The following GABRB2 variants were observed in gnomAD, a reference collection of about 807,000 sequenced individuals.
GABRB2 encodes the protein gamma-aminobutyric acid type A receptor subunit beta2.
Under a neutral mutation model 54.7 loss-of-function variants are expected in GABRB2, and 16 were observed. That is an observed-to-expected ratio of 0.29 (90% confidence interval 0.20 to 0.44). The LOEUF is 0.44. Ranked by LOEUF, GABRB2 falls within the 20% of genes least tolerant of loss-of-function variation. GABRB2 has a pLI of 1.00. For synonymous variants in GABRB2, 244 were observed against 233.8 expected, an observed-to-expected ratio of 1.04 and a Z score of -0.40; for missense variants, 355 against 644.0, an observed-to-expected ratio of 0.55 and a Z score of 4.86.
rs1451275178 is a variant in GABRB2, at chr5:161,455,921, T to C, written c.458+3703A>G. On this transcript the variant is annotated intron_variant, in intron 4 of 9. Transcript: ENST00000393959. Reference sequence around the variant, plus strand: ...TTAAATTCAATAAGCATTGATATTTTGCAATACTTCTTTCTCTATCTTTAT... The same window carrying C: ...TTAAATTCAATAAGCATTGATATTTCGCAATACTTCTTTCTCTATCTTTAT... 2.6e-5 allele frequency among the ~76,000 whole-genome samples: 4 copies of C among 152,198 alleles called. No homozygotes were observed. In the East Asian group the frequency reaches 7.7e-4, roughly 29 times the overall value.
intron 4 of GABRB2, among the ~76,000 whole-genome samples, chr5:161,455,903 C>T (rs1351093944): frequency 6.6e-6 from 1 of 152,146 alleles, no homozygotes; most frequent in Admixed American, 6.5e-5. Context: ...CCGTTAAATT[C>T]AATAAGCATT....
At chr5:161,489,258 A>G (rs780789698) in intron 3 of GABRB2, among the ~76,000 whole-genome samples, 33 of 151,624 alleles carry the variant, frequency 2.2e-4, no homozygotes, top group Non-Finnish European at 8.9e-5. Context: ...AGATAGAATG[A>G]CCCTTATATT....
intron 3 of GABRB2, among the ~76,000 whole-genome samples, chr5:161,489,427 A>G (rs1195368464): frequency 6.6e-6 from 1 of 151,760 alleles, no homozygotes; most frequent in Non-Finnish European, 1.5e-5. Flanking sequence ...GTTATCAGAT[A>G]GACATTACCA....
intron 5 of GABRB2, among the ~76,000 whole-genome samples, chr5:161,403,773 A>G (rs1440268967): frequency 1.3e-5 from 2 of 152,170 alleles, no homozygotes; most frequent in Non-Finnish European, 2.9e-5. Context: ...ATATTTACCA[A>G]TAATAATTTA....
chr5:161,337,207 G>A (rs1298879485), intron 5 of GABRB2, among the ~76,000 whole-genome samples: 1 of 152,004 alleles, frequency 6.6e-6, no homozygotes, highest in African/African-American at 2.4e-5. Flanking sequence ...GATAAAATAA[G>A]AGAACAATAA....
intron 4 of GABRB2, among the ~76,000 whole-genome samples, chr5:161,423,812 G>A (rs1184233598): frequency 6.6e-6 from 1 of 152,146 alleles, no homozygotes; most frequent in Non-Finnish European, 1.5e-5. Flanking sequence ...TAGGCCTCTT[G>A]TGCCACAAAG....
intron 5 of GABRB2, among the ~76,000 whole-genome samples, chr5:161,367,094 C>T (rs1400540911): frequency 6.6e-6 from 1 of 152,164 alleles, no homozygotes; most frequent in Non-Finnish European, 1.5e-5. Flanking sequence ...GGAAAAAAAT[C>T]TGTGAGAGAC....
At chr5:161,465,226 G>A (rs1047869267) in intron 3 of GABRB2, among the ~76,000 whole-genome samples, 2 of 151,948 alleles carry the variant, frequency 1.3e-5, no homozygotes, top group South Asian at 2.1e-4. Context: ...GGAACTGGGG[G>A]AAACAAAAGA....
rs576125945 is a variant in GABRB2, at chr5:161,473,567, G to A, written c.238-13723C>T. Among the ~76,000 whole-genome samples the A allele has an allele frequency of 2.8e-4, 43 of 152,128 alleles. 1 individual carries two copies. Among genetic ancestry groups the A allele is most frequent in the Admixed American group, 4.6e-4 (7 of 15,236 alleles). On this transcript the variant is annotated intron_variant, in intron 3 of 9. Coordinates refer to ENST00000393959, the MANE Select transcript of GABRB2 (RefSeq NM_001371727.1). ...TTTGTTTAAAGGAAAAAGAACATTA[G>A]AATAAGGGTTTGATCTCACTTAAAA...
chr5:161,332,039 G>A (rs10060079), intron 7 of GABRB2, among the ~76,000 whole-genome samples: 11,134 of 151,528 alleles, frequency 0.073, 480 homozygotes, highest in African/African-American at 0.079. Flanking sequence ...GATGGCGGGC[G>A]CCTGTAGTCC....
chr5:161,293,127 T>C lies in GABRB2; in HGVS notation c.*954A>G, dbSNP rs1468780152. 1 of 152,210 alleles carries C rather than the reference T, an allele frequency of 6.6e-6. No homozygotes were observed. The highest frequency in any genetic ancestry group is 1.5e-5 in the Non-Finnish European group (1 of 68,026). 9.4% of individuals were successfully genotyped at this position (152,210 alleles called of 1,614,324 possible). Reference sequence around the variant, plus strand: ...TAAGACAATTCTCATTTCTCTAATTTTTGTATTTCATGGTTATCTTCGATT... The same window carrying C: ...TAAGACAATTCTCATTTCTCTAATTCTTGTATTTCATGGTTATCTTCGATT... On this transcript the variant is annotated 3_prime_UTR_variant, in exon 10 of 10. Transcript: ENST00000393959.
chr5:161,510,277 C>A (rs1315444311), intron 3 of GABRB2, among the ~76,000 whole-genome samples: 3 of 150,418 alleles, frequency 2.0e-5, no homozygotes, highest in Non-Finnish European at 4.4e-5. Flanking sequence ...CTCTAGTAAT[C>A]ATCCTTCTAC....
chr5:161,470,375 A>G (rs545529896), intron 3 of GABRB2, among the ~76,000 whole-genome samples: 1 of 152,056 alleles, frequency 6.6e-6, no homozygotes, highest in East Asian at 1.9e-4. Context: ...GTATACTATG[A>G]TTTTTCCTAT....
At chr5:161,427,215 A>C (rs548370483) in intron 4 of GABRB2, among the ~76,000 whole-genome samples, 20 of 152,124 alleles carry the variant, frequency 1.3e-4, no homozygotes, top group Non-Finnish European at 2.6e-4. Context: ...AGACTAACAG[A>C]TGTAATAACA....
intron 3 of GABRB2, among the ~76,000 whole-genome samples, chr5:161,516,391 G>A (rs961275455): frequency 3.3e-5 from 5 of 150,550 alleles, no homozygotes; most frequent in Admixed American, 2.7e-4. Context: ...ATGTGAGTTC[G>A]CCTTGCCTTC....
intron 4 of GABRB2, among the ~76,000 whole-genome samples, chr5:161,421,316 G>T (rs1332127117): frequency 6.6e-6 from 1 of 152,138 alleles, no homozygotes; most frequent in Non-Finnish European, 1.5e-5. Context: ...ACCCAGCAGG[G>T]GAGATCTGGC....
intron 4 of GABRB2, among the ~76,000 whole-genome samples, chr5:161,434,916 C>G (rs939195669): frequency 6.6e-6 from 1 of 152,142 alleles, no homozygotes; most frequent in African/African-American, 2.4e-5. Flanking sequence ...GTGAAAAGTT[C>G]TCTCCATATT....
At chr5:161,378,092 T>C (rs1755361211) in intron 5 of GABRB2, among the ~76,000 whole-genome samples, 1 of 152,118 alleles carries the variant, frequency 6.6e-6, no homozygotes, top group Non-Finnish European at 1.5e-5. Context: ...CCTATTTAGT[T>C]GGGGTTGAGA....
At chr5:161,373,839 T>C (rs1270378347) in intron 5 of GABRB2, among the ~76,000 whole-genome samples, 1 of 152,218 alleles carries the variant, frequency 6.6e-6, no homozygotes, top group Non-Finnish European at 1.5e-5. Context: ...ACCACAGTGC[T>C]TCAAGTCTAC....
Sources: gnomAD v4.1 joint callset for allele counts (sites outside exome capture counted in the v4.1 genomes callset) on GRCh38, gnomAD v4.1.1 for gene constraint, MANE v1.5 for transcripts, NCBI Gene and HGNC (gene_info 2026-07-23, HGNC 2026-07-21) for gene names.